The following BMPER variants were observed in gnomAD, a reference collection of about 807,000 sequenced individuals.
BMPER encodes the protein BMP binding endothelial regulator.
A neutral mutation model predicts 87.3 loss-of-function variants in BMPER; 45 were observed. That is an observed-to-expected ratio of 0.52 (90% CI 0.41 to 0.66). The LOEUF is 0.66. Ranked by LOEUF, BMPER falls within the 30% of genes least tolerant of loss-of-function variation. BMPER has a pLI of 0.00. For missense variants in BMPER, 784 were observed against 867.5 expected (o/e 0.90, Z 1.21); for synonymous variants, 326 against 316.2 (o/e 1.03, Z -0.33).
chr7:33,961,584 G>A (rs1785272376), intron 3 of BMPER, among the ~76,000 whole-genome samples: 4 of 152,220 alleles, frequency 2.6e-5, no homozygotes, highest in Admixed American at 2.6e-4. Flanking sequence ...AGAGGTTGGA[G>A]AGGTAACTGG....
At chr7:34,064,613 G>A (rs1362456) in intron 11 of BMPER, among the ~76,000 whole-genome samples, 55,986 of 152,178 alleles carry the variant, frequency 0.37, 11,345 homozygotes, top group African/African-American at 0.54. Flanking sequence ...CAAGGGAGAA[G>A]GCCACCCAGC....
chr7:33,917,687 G>A (rs12667532), intron 2 of BMPER, among the ~76,000 whole-genome samples: 55,483 of 152,058 alleles, frequency 0.36, 10,338 homozygotes, highest in Middle Eastern at 0.51. Context: ...AAATAAGGAA[G>A]ATAATGATCA....
chr7:34,051,625 A>G (rs1788147294), intron 7 of BMPER, among the ~76,000 whole-genome samples: 1 of 152,180 alleles, frequency 6.6e-6, no homozygotes, highest in Non-Finnish European at 1.5e-5. Context: ...AACACATTAT[A>G]GATTTGTTGA....
intron 4 of BMPER, among the ~76,000 whole-genome samples, chr7:33,969,364 C>A (rs1221213622): frequency 6.6e-6 from 1 of 152,122 alleles, no homozygotes; most frequent in Non-Finnish European, 1.5e-5. Context: ...TGATTAGAGT[C>A]CCAATATCAA....
intron 6 of BMPER, among the ~76,000 whole-genome samples, chr7:33,994,391 C>T (rs563007627): frequency 1.2e-4 from 18 of 152,288 alleles, no homozygotes; most frequent in African/African-American, 2.9e-4. Context: ...TTCCAGGTGC[C>T]GTCTGTCACC....
chr7:33,934,890 A>T (rs534648030), intron 2 of BMPER, among the ~76,000 whole-genome samples: 1 of 152,324 alleles, frequency 6.6e-6, no homozygotes, highest in East Asian at 1.9e-4. Flanking sequence ...AGCTCTGTTA[A>T]TGAAGTTCTT....
chr7:33,937,199 G>T, intron 2 of BMPER, 90 bp from the exon 3 acceptor site: 2 of 1,371,166 alleles, frequency 1.5e-6, no homozygotes, highest in Non-Finnish European at 2.1e-6. Context: ...CCAGATAAGA[G>T]TGGGGCTCGG....
chr7:34,026,293 T>C (rs898668685), intron 6 of BMPER, among the ~76,000 whole-genome samples: 9 of 152,052 alleles, frequency 5.9e-5, no homozygotes, highest in Non-Finnish European at 1.0e-4. Flanking sequence ...GATGATTTTA[T>C]TGGACAGCAG....
intron 6 of BMPER, among the ~76,000 whole-genome samples, chr7:34,045,069 C>A (rs986091387): frequency 6.6e-6 from 1 of 152,078 alleles, no homozygotes; most frequent in Non-Finnish European, 1.5e-5. Flanking sequence ...TTCCTGAGGC[C>A]TCTTGAGATA....
intron 6 of BMPER, among the ~76,000 whole-genome samples, chr7:33,996,540 T>TGA (rs1334196859): frequency 6.6e-6 from 1 of 152,238 alleles, no homozygotes; most frequent in African/African-American, 2.4e-5. Context: ...GTTTGTAGTC[T>TGA]GAATCATTTC....
chr7:33,981,722 C>T (rs1785867187), intron 6 of BMPER, among the ~76,000 whole-genome samples: 1 of 152,170 alleles, frequency 6.6e-6, no homozygotes, highest in Non-Finnish European at 1.5e-5. Context: ...TTTCCCCACC[C>T]ACACCAAACA....
intron 11 of BMPER, among the ~76,000 whole-genome samples, chr7:34,070,449 C>T (rs1327739934): frequency 2.6e-5 from 4 of 152,138 alleles, no homozygotes; most frequent in Admixed American, 2.0e-4. Flanking sequence ...AAATACTTTC[C>T]TTGCCATTCC....
chr7:34,018,785 T>C (rs1188802838), intron 6 of BMPER, among the ~76,000 whole-genome samples: 1 of 151,494 alleles, frequency 6.6e-6, no homozygotes, highest in African/African-American at 2.4e-5. Context: ...ATCTGGAAGA[T>C]GAAAGACAAA....
intron 13 of BMPER, among the ~76,000 whole-genome samples, chr7:34,129,867 T>G (rs1790534788): frequency 6.6e-6 from 1 of 152,182 alleles, no homozygotes; most frequent in South Asian, 2.1e-4. Flanking sequence ...GCCTGCTTCT[T>G]TGCTAGATAT....
chr7:33,915,374 G>A (rs1332451228), intron 2 of BMPER, among the ~76,000 whole-genome samples: 1 of 152,146 alleles, frequency 6.6e-6, no homozygotes, highest in Non-Finnish European at 1.5e-5. Context: ...TGTTAATGAT[G>A]CTTTAAAAAT....
chr7:34,126,539 G>T (rs558229679), intron 13 of BMPER, among the ~76,000 whole-genome samples: 1 of 152,210 alleles, frequency 6.6e-6, no homozygotes, highest in Non-Finnish European at 1.5e-5. Context: ...TATTTAACTG[G>T]CTGCTGTGTC....
At chr7:33,940,891 AGAAT>A (rs1202194043) in intron 3 of BMPER, among the ~76,000 whole-genome samples, 15 of 134,372 alleles carry the variant, frequency 1.1e-4, no homozygotes, top group African/African-American at 4.3e-4. Context: ...TATATATAAT[AGAAT>A]TTATATATAT....
At chr7:34,054,272 C>T (rs182664938) in intron 8 of BMPER, among the ~76,000 whole-genome samples, 1 of 151,442 alleles carries the variant, frequency 6.6e-6, no homozygotes, top group African/African-American at 2.5e-5. Context: ...AAAGCACGCT[C>T]TCTCTCTCCA....
chr7:33,972,229 A>T (rs1170294637), intron 5 of BMPER, among the ~76,000 whole-genome samples: 1 of 152,080 alleles, frequency 6.6e-6, no homozygotes, highest in East Asian at 1.9e-4. Flanking sequence ...ACACAGAATC[A>T]ACTCAGAGCT....
Sources: gnomAD v4.1 joint callset for allele counts (sites outside exome capture counted in the v4.1 genomes callset) on GRCh38, gnomAD v4.1.1 for gene constraint, MANE v1.5 for transcripts, NCBI Gene and HGNC (gene_info 2026-07-23, HGNC 2026-07-21) for gene names.